DHRSX: variants seen among roughly 807,000 people sequenced by gnomAD.
DHRSX encodes the protein polyprenol dehydrogenase.
Under a neutral mutation model 34.0 loss-of-function variants are expected in DHRSX, and 31 were observed. The observed-to-expected ratio is 0.91, with a 90% confidence interval of 0.69 to 1.23. DHRSX has a LOEUF of 1.23. DHRSX is among the 50% of genes most tolerant of loss of function. The pLI, the probability that DHRSX is intolerant of heterozygous loss-of-function variation, is 0.00. For synonymous variants in DHRSX, 201 were observed against 183.8 expected, an observed-to-expected ratio of 1.09 and a Z score of -0.76; for missense variants, 414 against 428.1, an observed-to-expected ratio of 0.97 and a Z score of 0.29.
chrX:2,266,282 AGC>A (rs2041468956), intron 5 of DHRSX, among the ~76,000 whole-genome samples: 2 of 128,668 alleles, frequency 1.6e-5, no homozygotes, highest in African/African-American at 6.5e-5. Context: ...ACCGGTGTAC[AGC>A]AGACACAGGG....
At chrX:2,463,857 G>A (rs2044438546) in intron 1 of DHRSX, among the ~76,000 whole-genome samples, 1 of 152,186 alleles carries the variant, frequency 6.6e-6, no homozygotes, top group African/African-American at 2.4e-5. Context: ...ACACGCAGAA[G>A]AATGTGGCCA....
intron 1 of DHRSX, among the ~76,000 whole-genome samples, chrX:2,430,133 G>A (rs183929347): frequency 1.1e-4 from 17 of 151,950 alleles, no homozygotes; most frequent in East Asian, 3.9e-4. Flanking sequence ...GATGCCCTCG[G>A]GTCTCGGTGA....
chrX:2,300,839 C>T (rs2042000390), intron 3 of DHRSX, among the ~76,000 whole-genome samples: 1 of 152,288 alleles, frequency 6.6e-6, no homozygotes, highest in South Asian at 2.1e-4. Context: ...GTGCATCCCT[C>T]ACCCCCTATA....
At chrX:2,477,070 G>A (rs1186747230) in intron 1 of DHRSX, among the ~76,000 whole-genome samples, 2 of 152,148 alleles carry the variant, frequency 1.3e-5, no homozygotes, top group African/African-American at 4.8e-5. Flanking sequence ...TAAATTTTTT[G>A]TAAGTCTTTT....
chrX:2,457,032 C>A (rs1054996301), intron 1 of DHRSX, among the ~76,000 whole-genome samples: 3 of 152,088 alleles, frequency 2.0e-5, no homozygotes, highest in African/African-American at 7.2e-5. Flanking sequence ...CTGGCTGTGT[C>A]TCTCACTGTG....
intron 1 of DHRSX, among the ~76,000 whole-genome samples, chrX:2,495,653 C>CTTCCTCCTTCCTCCTTCCTCCTTCCTCT (rs2045264936): frequency 6.6e-6 from 1 of 152,174 alleles, no homozygotes; most frequent in African/African-American, 2.4e-5. Flanking sequence ...GAGTACCCTC[C>CTTCCTCCTTCCTCCTTCCTCCTTCCTCT]TTCCTCCTTC....
At chrX:2,400,140 T>C (rs1207134082) in intron 3 of DHRSX, among the ~76,000 whole-genome samples, 3 of 152,210 alleles carry the variant, frequency 2.0e-5, no homozygotes, top group Non-Finnish European at 2.9e-5. Flanking sequence ...TAATTAATCG[T>C]TGGCGAACAC....
intron 3 of DHRSX, among the ~76,000 whole-genome samples, chrX:2,311,362 G>A (rs943130895): frequency 2.0e-5 from 3 of 152,082 alleles, no homozygotes; most frequent in African/African-American, 7.2e-5. Flanking sequence ...TCCCTCTTGA[G>A]CACTTGAGAT....
chrX:2,273,066 A>G (rs1181713066), intron 4 of DHRSX, among the ~76,000 whole-genome samples: 1 of 152,168 alleles, frequency 6.6e-6, no homozygotes, highest in Non-Finnish European at 1.5e-5. Context: ...TGAGGTCAGG[A>G]GTTCGAGAGC....
intron 3 of DHRSX, among the ~76,000 whole-genome samples, chrX:2,343,776 C>G (rs1484607035): frequency 6.6e-6 from 1 of 152,192 alleles, no homozygotes; most frequent in African/African-American, 2.4e-5. Flanking sequence ...TACCCCTTTT[C>G]TCTTGATGAT....
At chrX:2,482,030 T>C (rs1396846320) in intron 1 of DHRSX, among the ~76,000 whole-genome samples, 1 of 151,270 alleles carries the variant, frequency 6.6e-6, no homozygotes, top group Non-Finnish European at 1.5e-5. Flanking sequence ...AGTGGCATGA[T>C]CGTAGTTTAT....
chrX:2,247,138 G>A (rs1397949785), intron 5 of DHRSX, among the ~76,000 whole-genome samples: 38 of 151,930 alleles, frequency 2.5e-4, no homozygotes, highest in Non-Finnish European at 2.2e-4. Context: ...TAGTAGAGAC[G>A]GGGTTTCATC....
At chrX:2,351,073 C>A (rs2042783623) in intron 3 of DHRSX, among the ~76,000 whole-genome samples, 1 of 152,018 alleles carries the variant, frequency 6.6e-6, no homozygotes. Flanking sequence ...CACACCGGGG[C>A]CTGTCAGGGA....
chrX:2,272,715 A>T (rs2041573666), intron 4 of DHRSX, among the ~76,000 whole-genome samples: 1 of 152,086 alleles, frequency 6.6e-6, no homozygotes. Flanking sequence ...AGGCTGTACC[A>T]GCTTCTTGAC....
In DHRSX at chrX:2,240,859, A is replaced by G. The variant is rs779682668; in HGVS notation, c.804+2164T>C. 4.6e-5 allele frequency among the ~76,000 whole-genome samples: 7 copies of G among 152,274 alleles called. No homozygotes were observed. In the South Asian group the frequency reaches 1.2e-3, roughly 27 times the overall value. Reference sequence around the variant, plus strand: ...GATAGATAGGAAAGAAAGTAAATCTATAGCTCCCAGATACATATCACTTCA... The same window carrying G: ...GATAGATAGGAAAGAAAGTAAATCTGTAGCTCCCAGATACATATCACTTCA... On this transcript the variant is annotated intron_variant, in intron 6 of 6. Coordinates refer to ENST00000334651, the MANE Select transcript of DHRSX (RefSeq NM_145177.3).
chrX:2,397,766 C>G (rs182972154), intron 3 of DHRSX, among the ~76,000 whole-genome samples: 4 of 152,244 alleles, frequency 2.6e-5, no homozygotes, highest in South Asian at 2.1e-4. Flanking sequence ...GTCCTCGTTA[C>G]GGGCGGGATG....
intron 3 of DHRSX, among the ~76,000 whole-genome samples, chrX:2,379,907 G>C (rs1432836489): frequency 6.6e-6 from 1 of 151,882 alleles, no homozygotes; most frequent in Non-Finnish European, 1.5e-5. Flanking sequence ...CAACACACTC[G>C]TCAACACATC....
intron 2 of DHRSX, 101 bp downstream of exon 2, chrX:2,425,096 C>A (rs2043825640): frequency 1.2e-6 from 1 of 865,942 alleles, no homozygotes; most frequent in Non-Finnish European, 1.9e-6. Flanking sequence ...GCCAAGATTG[C>A]ACCACTGCAG....
intron 1 of DHRSX, among the ~76,000 whole-genome samples, chrX:2,457,033 T>C (rs1417160047): frequency 6.6e-6 from 1 of 152,038 alleles, no homozygotes. Flanking sequence ...TGGCTGTGTC[T>C]CTCACTGTGC....
Sources: gnomAD v4.1 joint callset for allele counts (sites outside exome capture counted in the v4.1 genomes callset) on GRCh38, gnomAD v4.1.1 for gene constraint, MANE v1.5 for transcripts, NCBI Gene and HGNC (gene_info 2026-07-23, HGNC 2026-07-21) for gene names.